ASS1: variants seen among roughly 807,000 people sequenced by gnomAD.
ASS1 encodes the protein argininosuccinate synthase.
In ASS1, 58 loss-of-function variants were observed where a neutral mutation model predicts 60.5. The observed-to-expected ratio is 0.96, with a 90% confidence interval of 0.78 to 1.19. The LOEUF is 1.19. Ranked by LOEUF, ASS1 falls within the 50% of genes most tolerant of loss-of-function variation. ASS1 has a pLI of 0.00. For synonymous variants in ASS1, 200 were observed against 206.9 expected (o/e 0.97, Z 0.29); for missense variants, 454 against 547.3 (o/e 0.83, Z 1.70).
chr9:130,445,448 C>G (rs1383620843), intron 1 of ASS1, among the ~76,000 whole-genome samples: 1 of 152,204 alleles, frequency 6.6e-6, no homozygotes, highest in Non-Finnish European at 1.5e-5. Flanking sequence ...TATTTCTCTG[C>G]GTAAAACCAG....
At chr9:130,452,443 T>C in intron 2 of ASS1, 110 bp downstream of exon 2, 1 of 939,026 alleles carries the variant, frequency 1.1e-6, no homozygotes. Flanking sequence ...CCGTCACTCA[T>C]TCAAGCCTGG....
At chr9:130,500,324 G>A (rs1323767045) in intron 14 of ASS1, among the ~76,000 whole-genome samples, 2 of 152,074 alleles carry the variant, frequency 1.3e-5, no homozygotes, top group Non-Finnish European at 2.9e-5. Context: ...GCAACTCCCC[G>A]GGAACAGGCT....
chr9:130,495,209 G>A (rs776899792), intron 13 of ASS1, among the ~76,000 whole-genome samples, 186 bp downstream of exon 13: 9 of 152,150 alleles, frequency 5.9e-5, no homozygotes, highest in Non-Finnish European at 1.2e-4. Context: ...GAAAGGCATG[G>A]ATCAAACCAT....
chr9:130,462,281 C>T (rs1390498913), intron 4 of ASS1, among the ~76,000 whole-genome samples: 1 of 152,222 alleles, frequency 6.6e-6, no homozygotes, highest in African/African-American at 2.4e-5. Flanking sequence ...CCCCCAGTCC[C>T]AGTGGGACCG....
At position 130,458,282 on chromosome 9, in the gene ASS1, A is replaced by T; in HGVS notation, c.175-119A>T. 3 of 1,109,806 alleles carry T rather than the reference A, an allele frequency of 2.7e-6. No individual in the cohort carries two copies. In the South Asian group the frequency reaches 3.8e-5, roughly 14 times the overall value. The allele number at this position is 1,109,806 out of a possible 1,614,324, so 68.7% of individuals were successfully genotyped here. ...CTACTACAGATGCAGAAGAAGAAGC[A>T]CCAGGTACAGCGGGGGTGGCCCCGT... On this transcript the variant is annotated intron_variant, in intron 3 of 14. Coordinates refer to ENST00000352480, the MANE Select transcript of ASS1 (RefSeq NM_054012.4).
intron 4 of ASS1, among the ~76,000 whole-genome samples, chr9:130,463,772 A>C (rs1330002689): frequency 1.3e-5 from 2 of 152,134 alleles, no homozygotes; most frequent in Admixed American, 6.5e-5. Context: ...GGGGGCCTTG[A>C]GGAAGAGACT....
At position 130,489,232 on chromosome 9, in the gene ASS1, CATTATT is replaced by C; in HGVS notation, c.839-91_839-86del. On this transcript the variant is annotated intron_variant, in intron 11 of 14. Coordinates refer to ENST00000352480, the MANE Select transcript of ASS1 (RefSeq NM_054012.4). The surrounding 1 kb of genome is among the most constrained non-coding windows in gnomAD (Gnocchi z 4.1). ...CCGGCTTGTCTCCTGTCAGACGACT[CATTATT>C]ATTATTATTTTTTTTTTTGTCATTT... The C allele has an allele frequency of 1.3e-6, 2 of 1,491,934 alleles. No individual in the cohort carries two copies. The allele number at this position is 1,491,934 out of a possible 1,614,324, so 92.4% of individuals were successfully genotyped here. A position where few individuals can be genotyped will look rare whatever the true frequency, so the allele number is the denominator to read the frequency against.
chr9:130,484,466 G>A (rs1188384488), intron 11 of ASS1, among the ~76,000 whole-genome samples: 1 of 151,398 alleles, frequency 6.6e-6, no homozygotes, highest in Non-Finnish European at 1.5e-5. Flanking sequence ...CACCTTTCTT[G>A]GCAGTAATTA....
chr9:130,498,322 G>A (rs1170113962), intron 13 of ASS1, among the ~76,000 whole-genome samples: 1 of 152,186 alleles, frequency 6.6e-6, no homozygotes, highest in African/African-American at 2.4e-5. Flanking sequence ...GCAGACAAGG[G>A]TCTGATTCAG....
rs199552252 is a variant in ASS1 at position 130,458,608 on chromosome 9, G to T, written c.363+19G>T. The T allele has an allele frequency of 8.7e-6, 14 of 1,609,466 alleles. No homozygotes were observed. Among genetic ancestry groups the T allele is most frequent in the Admixed American group, 3.4e-5 (2 of 59,576 alleles). On this transcript the variant is annotated intron_variant, in intron 4 of 14. Transcript: ENST00000352480. ...AGGAAAGGTGAGGCACCTGGGAAGG[G>T]CCGGGCAGAGGGAGATGGAGGCGGA...
chr9:130,496,003 C>T (rs1046896860), intron 13 of ASS1, among the ~76,000 whole-genome samples: 3 of 152,052 alleles, frequency 2.0e-5, no homozygotes, highest in East Asian at 1.9e-4. Context: ...GGAAGGCCGC[C>T]GGACACTTGG....
Position 130,489,227 on chromosome 9 carries a change from C to A in ASS1, c.839-106C>A. On this transcript the variant is annotated intron_variant, in intron 11 of 14. Coordinates refer to ENST00000352480, the MANE Select transcript of ASS1 (RefSeq NM_054012.4). This position sits in a 1 kb window ranked among gnomAD's most constrained non-coding sequence, Gnocchi z 4.1. ...TCCGGCCGGCTTGTCTCCTGTCAGACGACTCATTATTATTATTATTTTTTT... is the reference window on the plus strand; with the variant it reads ...TCCGGCCGGCTTGTCTCCTGTCAGAAGACTCATTATTATTATTATTTTTTT... The A allele has an allele frequency of 6.8e-7, 1 of 1,480,480 alleles. No homozygotes were observed. Among genetic ancestry groups the A allele is most frequent in the Non-Finnish European group, 9.2e-7 (1 of 1,082,888 alleles). 91.7% of individuals were successfully genotyped at this position (1,480,480 alleles called of 1,614,324 possible).
intron 11 of ASS1, 143 bp downstream of exon 11, chr9:130,480,592 C>T: frequency 1.2e-6 from 1 of 857,762 alleles, no homozygotes; most frequent in African/African-American, 1.7e-5. Flanking sequence ...CCCCGTGAGA[C>T]CGCAGTTTCC....
intron 4 of ASS1, among the ~76,000 whole-genome samples, chr9:130,463,640 C>A (rs766359948): frequency 7.9e-5 from 12 of 152,174 alleles, no homozygotes; most frequent in Non-Finnish European, 1.0e-4. Context: ...TGAAGAGATG[C>A]GGAAACTGAG....
Position 130,467,263 on chromosome 9 carries a change from G to A in ASS1, c.495+464G>A, listed in dbSNP as rs141365191. 5.0e-4 allele frequency among the ~76,000 whole-genome samples: 76 copies of A among 152,296 alleles called. 1 individual carries two copies. In the East Asian group the frequency reaches 0.014, roughly 29 times the overall value. On this transcript the variant is annotated intron_variant, in intron 6 of 14. Transcript: ENST00000352480. The stretch of plus-strand genomic sequence containing the variant: ...GCGCTTTCCCCGGGAACAGGTAGGC[G>A]CTCCAAGGGACAGTCGCAGACAAAG...
intron 11 of ASS1, among the ~76,000 whole-genome samples, chr9:130,482,994 G>A (rs1846207995): frequency 6.6e-6 from 1 of 152,250 alleles, no homozygotes; most frequent in Non-Finnish European, 1.5e-5. Flanking sequence ...AGATGAGGAG[G>A]TCGTATCATC....
intron 4 of ASS1, among the ~76,000 whole-genome samples, chr9:130,463,361 G>A (rs1014403803): frequency 1.3e-5 from 2 of 152,078 alleles, no homozygotes; most frequent in South Asian, 2.1e-4. Context: ...CGGTGGTCCC[G>A]GCTATGTCGG....
chr9:130,499,667 C>A (rs1190400638), intron 14 of ASS1, 97 bp downstream of exon 14: 1 of 1,282,130 alleles, frequency 7.8e-7, no homozygotes, highest in Non-Finnish European at 1.1e-6. Flanking sequence ...TTTGATGCGA[C>A]CTTGACTGCT....
chr9:130,482,639 A>G (rs12555797), intron 11 of ASS1, among the ~76,000 whole-genome samples: 17,731 of 152,042 alleles, frequency 0.12, 1,176 homozygotes, highest in African/African-American at 0.16. Flanking sequence ...TAGTGATGAA[A>G]ACCTGGAATG....
Sources: gnomAD v4.1 joint callset for allele counts (sites outside exome capture counted in the v4.1 genomes callset) on GRCh38, gnomAD v4.1.1 for gene constraint, Gnocchi (gnomAD v3.1) non-coding constraint, MANE v1.5 for transcripts, NCBI Gene and HGNC (gene_info 2026-07-23, HGNC 2026-07-21) for gene names.